Variants in PSMA1 observed in about 807,000 individuals in gnomAD.
The protein encoded by PSMA1 is proteasome subunit alpha type-1.
PSMA1 carries 3 observed loss-of-function variants against 38.4 expected under a neutral mutation model. That is an observed-to-expected ratio of 0.08 (90% CI 0.04 to 0.20). PSMA1 has a LOEUF of 0.20. Ranked by LOEUF, PSMA1 falls within the 10% of genes least tolerant of loss-of-function variation. PSMA1 has a pLI of 1.00. For synonymous variants in PSMA1, 101 were observed against 107.1 expected (o/e 0.94, Z 0.35); for missense variants, 227 against 325.3 (o/e 0.70, Z 2.32).
At chr11:14,619,431 C>A (rs1305699273) in intron 1 of PSMA1, among the ~76,000 whole-genome samples, 1 of 151,542 alleles carries the variant, frequency 6.6e-6, no homozygotes, top group Non-Finnish European at 1.5e-5. Flanking sequence ...AGAGAGAGAT[C>A]CTGTCTCAAA....
intron 2 of PSMA1, among the ~76,000 whole-genome samples, chr11:14,579,441 G>A (rs186155347): frequency 4.0e-5 from 6 of 149,170 alleles, no homozygotes; most frequent in Non-Finnish European, 8.9e-5. Context: ...AATCCATCTG[G>A]ATGATCTCAT....
At chr11:14,555,833 C>A (rs1459792834) in intron 2 of PSMA1, among the ~76,000 whole-genome samples, 1 of 152,214 alleles carries the variant, frequency 6.6e-6, no homozygotes, top group Non-Finnish European at 1.5e-5. Context: ...CACTTCATAT[C>A]TGATACAATC....
intron 1 of PSMA1, among the ~76,000 whole-genome samples, chr11:14,519,605 C>T (rs1851492847): frequency 6.6e-6 from 1 of 152,096 alleles, no homozygotes; most frequent in South Asian, 2.1e-4. Flanking sequence ...ACAAAAATGT[C>T]CTCACAAAGT....
upstream of PSMA1, chr11:14,520,503 G>A: frequency 7.0e-7 from 1 of 1,436,108 alleles, no homozygotes; most frequent in Non-Finnish European, 9.1e-7. Flanking sequence ...GCGGCGGGCG[G>A]AGCCTCGGAA....
chr11:14,550,151 C>CTTA (rs1851870337), intron 2 of PSMA1, among the ~76,000 whole-genome samples: 1 of 152,096 alleles, frequency 6.6e-6, no homozygotes, highest in South Asian at 2.1e-4. Flanking sequence ...ACACAACTAG[C>CTTA]TTATTATTAT....
intron 2 of PSMA1, among the ~76,000 whole-genome samples, chr11:14,604,968 G>C (rs1608166): frequency 6.6e-6 from 1 of 152,282 alleles, no homozygotes; most frequent in East Asian, 1.9e-4. Flanking sequence ...TGAGCATCTA[G>C]GTTGATTCCA....
chr11:14,521,313 TAAGAA>T (rs1851524315), upstream of PSMA1, among the ~76,000 whole-genome samples: 5 of 80,532 alleles, frequency 6.2e-5, no homozygotes, highest in Non-Finnish European at 2.5e-5. Context: ...ATAATAAGAA[TAAGAA>T]TAAGAATAAG....
At chr11:14,523,124 A>C (rs899923444), upstream of PSMA1, among the ~76,000 whole-genome samples, 3 of 152,194 alleles carry the variant, frequency 2.0e-5, no homozygotes, top group Non-Finnish European at 4.4e-5. Context: ...TCAAAGCTCT[A>C]CTTGTAGACC....
At chr11:14,514,518 T>TA in intron 4 of PSMA1, 27 bp from the exon 5 acceptor site, 1 of 1,468,630 alleles carries the variant, frequency 6.8e-7, no homozygotes, top group Non-Finnish European at 9.1e-7. Flanking sequence ...AAAAGTTTAG[T>TA]AATTTCAAAT....
At chr11:14,562,413 C>G (rs1047801996) in intron 2 of PSMA1, among the ~76,000 whole-genome samples, 2 of 152,202 alleles carry the variant, frequency 1.3e-5, no homozygotes, top group African/African-American at 4.8e-5. Flanking sequence ...CCTCAATGGT[C>G]TTTAGCCCAG....
intron 1 of PSMA1, among the ~76,000 whole-genome samples, chr11:14,619,175 A>C (rs1255998283): frequency 2.0e-5 from 3 of 152,074 alleles, no homozygotes; most frequent in Non-Finnish European, 2.9e-5. Flanking sequence ...TAGGCTGGGC[A>C]TGGCAGCTCA....
At chr11:14,584,186 G>C (rs1288889166) in intron 2 of PSMA1, among the ~76,000 whole-genome samples, 3 of 152,206 alleles carry the variant, frequency 2.0e-5, no homozygotes, top group Non-Finnish European at 4.4e-5. Flanking sequence ...GAGAAATGGA[G>C]ACATTCAAAG....
At chr11:14,566,573 G>A (rs1852074349) in intron 2 of PSMA1, among the ~76,000 whole-genome samples, 1 of 152,180 alleles carries the variant, frequency 6.6e-6, no homozygotes, top group African/African-American at 2.4e-5. Flanking sequence ...TCAATAGGCT[G>A]GACATTGGCC....
intron 2 of PSMA1, among the ~76,000 whole-genome samples, chr11:14,590,657 T>C (rs1323935542): frequency 6.6e-6 from 1 of 152,224 alleles, no homozygotes; most frequent in Admixed American, 6.5e-5. Flanking sequence ...GAGTTGGTTG[T>C]TGGTGATCAT....
At chr11:14,510,665 G>T (rs1385754711) in intron 8 of PSMA1, among the ~76,000 whole-genome samples, 2 of 152,088 alleles carry the variant, frequency 1.3e-5, no homozygotes, top group Non-Finnish European at 2.9e-5. Flanking sequence ...CATTTTGCAT[G>T]AAATTTACTG....
chr11:14,540,197 G>T (rs1565040287), intron 2 of PSMA1, among the ~76,000 whole-genome samples: 1 of 152,066 alleles, frequency 6.6e-6, no homozygotes, highest in Non-Finnish European at 1.5e-5. Context: ...CATTTGCCTG[G>T]CCCACAAATG....
intron 2 of PSMA1, among the ~76,000 whole-genome samples, chr11:14,540,408 C>T (rs926971624): frequency 1.3e-5 from 2 of 152,098 alleles, no homozygotes; most frequent in South Asian, 2.1e-4. Context: ...AGGAGAGATA[C>T]GATATTGCTT....
chr11:14,536,341 A>G (rs1347952311), intron 2 of PSMA1, among the ~76,000 whole-genome samples: 1 of 152,010 alleles, frequency 6.6e-6, no homozygotes. Flanking sequence ...AGCCTGACCA[A>G]CATGGCGAAA....
At chr11:14,546,773 A>C (rs1851832948) in intron 2 of PSMA1, among the ~76,000 whole-genome samples, 1 of 152,186 alleles carries the variant, frequency 6.6e-6, no homozygotes, top group African/African-American at 2.4e-5. Flanking sequence ...CAGAGGGACT[A>C]CTTTCTAGAA....
Sources: gnomAD v4.1 joint callset for allele counts (sites outside exome capture counted in the v4.1 genomes callset) on GRCh38, gnomAD v4.1.1 for gene constraint, MANE v1.5 for transcripts, NCBI Gene and HGNC (gene_info 2026-07-23, HGNC 2026-07-21) for gene names.